The following SYPL1 variants were observed in gnomAD, a reference collection of about 807,000 sequenced individuals.
The protein encoded by SYPL1 is synaptophysin like 1.
A neutral mutation model predicts 23.7 loss-of-function variants in SYPL1; 6 were observed. The ratio of observed to expected loss-of-function variants is 0.25; its 90% CI spans 0.14 to 0.50. SYPL1 has a LOEUF of 0.50. SYPL1 is among the 20% of genes least tolerant of loss of function. SYPL1 has a pLI of 0.98. For missense variants in SYPL1, 253 were observed against 288.9 expected (o/e 0.88, Z 0.90); for synonymous variants, 102 against 104.5 (o/e 0.98, Z 0.15).
rs970426370 is a variant in SYPL1 at position 106,096,766 on chromosome 7, T to C, written c.402+924A>G. ...TTTTAAATTAAGGAGTTTAGGGACA[T>C]AGACCAGGAATCAACAAACTTCTTT... On this transcript the variant is annotated intron_variant, in intron 3 of 4. Coordinates refer to ENST00000455385, the MANE Select transcript of SYPL1 (RefSeq NM_182715.4). This position sits in a 1 kb window ranked among gnomAD's most constrained non-coding sequence, Gnocchi z 4.4. Among the ~76,000 whole-genome samples the C allele has an allele frequency of 6.6e-6, 1 of 152,212 alleles. No homozygotes were observed. The highest frequency in any genetic ancestry group is 1.5e-5 in the Non-Finnish European group (1 of 68,028).
intron 2 of SYPL1, 128 bp downstream of exon 2, chr7:106,099,030 G>T: frequency 8.6e-7 from 1 of 1,163,356 alleles, no homozygotes; most frequent in East Asian, 2.4e-5. Context: ...GGGAGGTAAT[G>T]ATCACTTACA....
In SYPL1 at chr7:106,095,200, A is replaced by C. The variant is rs1476836798; in HGVS notation, c.403-2063T>G. Among the ~76,000 whole-genome samples, 1 of 152,228 alleles carries C rather than the reference A, an allele frequency of 6.6e-6. No individual in the cohort carries two copies. The highest frequency in any genetic ancestry group is 1.5e-5 in the Non-Finnish European group (1 of 68,040). On this transcript the variant is annotated intron_variant, in intron 3 of 4. Transcript: ENST00000455385. This position sits in a 1 kb window ranked among gnomAD's most constrained non-coding sequence, Gnocchi z 4.3. Reference sequence around the variant, plus strand: ...ATTTACTTCAAAAGAGAATTGAAGTAGATTTAAATTTTCATAACTGAAATA... The same window carrying C: ...ATTTACTTCAAAAGAGAATTGAAGTCGATTTAAATTTTCATAACTGAAATA...
upstream of SYPL1, chr7:106,112,409 G>A (rs1790218348): frequency 2.2e-6 from 3 of 1,386,816 alleles, no homozygotes; most frequent in South Asian, 4.8e-5. Context: ...GGGCGGAAAC[G>A]GAGTGGGGCG....
At chr7:106,107,599 G>A (rs113592807) in intron 1 of SYPL1, among the ~76,000 whole-genome samples, 8 of 152,020 alleles carry the variant, frequency 5.3e-5, no homozygotes, top group Non-Finnish European at 7.4e-5. Flanking sequence ...AAAATTAGCC[G>A]GGCAAGGTGG....
In SYPL1 at chr7:106,109,852, T is replaced by A. The variant is rs1244426606; in HGVS notation, c.69+2288A>T. Among the ~76,000 whole-genome samples the A allele has an allele frequency of 6.6e-6, 1 of 152,174 alleles. No individual in the cohort carries two copies. Among genetic ancestry groups the A allele is most frequent in the East Asian group, 1.9e-4 (1 of 5,184 alleles). On this transcript the variant is annotated intron_variant, in intron 1 of 4. Coordinates refer to ENST00000455385, the MANE Select transcript of SYPL1 (RefSeq NM_182715.4). The surrounding 1 kb of genome is among the most constrained non-coding windows in gnomAD (Gnocchi z 4.3). ...ACTAATTTTAGGCCCTCATAATTCC[T>A]CAATCAACAGATTTCCCTTCCTCCA... is the stretch of plus-strand genomic sequence containing the variant.
At chr7:106,106,305 TGG>T (rs962281372) in intron 1 of SYPL1, among the ~76,000 whole-genome samples, 3 of 150,548 alleles carry the variant, frequency 2.0e-5, no homozygotes, top group Non-Finnish European at 4.4e-5. Context: ...CCCAGCACTT[TGG>T]GAGGCTGAGC....
intron 1 of SYPL1, among the ~76,000 whole-genome samples, chr7:106,108,442 T>C (rs1357699274): frequency 6.6e-6 from 1 of 152,164 alleles, no homozygotes; most frequent in African/African-American, 2.4e-5. Flanking sequence ...GATTGTCCCC[T>C]CCTGCTTCTA....
rs1840245222 is a variant in SYPL1 at position 106,100,257 on chromosome 7, C to A, written c.70-975G>T. On this transcript the variant is annotated intron_variant, in intron 1 of 4. Transcript: ENST00000455385. The surrounding 1 kb of genome is among the most constrained non-coding windows in gnomAD (Gnocchi z 5.1). ...AAAATGAATGGTGTTCTCTCAAATA[C>A]CATCTAAAACACAAAAAACCTAGAA... Among the ~76,000 whole-genome samples the A allele has an allele frequency of 6.6e-6, 1 of 152,100 alleles. No individual in the cohort carries two copies. The highest frequency in any genetic ancestry group is 1.5e-5 in the Non-Finnish European group (1 of 68,008).
At chr7:106,112,500 C>A, upstream of SYPL1, 1 of 1,524,750 alleles carries the variant, frequency 6.6e-7, no homozygotes, top group Non-Finnish European at 8.8e-7. Context: ...GACTGATCCG[C>A]TGGCGAACCA....
intron 1 of SYPL1, among the ~76,000 whole-genome samples, chr7:106,105,958 C>T (rs1203163357): frequency 6.6e-6 from 1 of 152,116 alleles, no homozygotes; most frequent in African/African-American, 2.4e-5. Context: ...AGATTGGTAA[C>T]ACACACACTC....
chr7:106,099,172 A>C lies in SYPL1; in HGVS notation c.180T>G (p.Phe60Leu), dbSNP rs772558433. ...VTENKTVTAT[F>L]GYPFRLNEAS... ...ATATAACTCACCTGAATGGATAACC[A>C]AAAGTAGCTGTAACAGTTTTATTCT... Residue 60 changes from phenylalanine to leucine, a missense_variant, in exon 2 of 5, where the codon TTT becomes TTG. By Grantham distance (22) the Phe-to-Leu change is conservative (BLOSUM62 0). Coordinates refer to ENST00000455385, the MANE Select transcript of SYPL1 (RefSeq NM_182715.4). 1.2e-6 allele frequency: 2 copies of C among 1,611,000 alleles called. No homozygotes were observed. The highest frequency in any genetic ancestry group is 2.7e-5 in the African/African-American group (2 of 74,714).
At position 106,097,759 on chromosome 7, in the gene SYPL1, G is replaced by A. The variant is rs775707565; in HGVS notation, c.333C>T (p.Cys111=). ...CAACATAAAGCAGAAGGGCAGCAATGCAGTACAGGAACACAAAGACTGCAA... is the reference window on the plus strand; with the variant it reads ...CAACATAAAGCAGAAGGGCAGCAATACAGTACAGGAACACAAAGACTGCAA... ...VTFAVFVFLY[C]IAALLLYVGY... Residue 111 remains cysteine (C), a synonymous_variant, in exon 3 of 5, where the codon TGC becomes TGT. Transcript: ENST00000455385. This position sits in a 1 kb window ranked among gnomAD's most constrained non-coding sequence, Gnocchi z 4.6. 18 of 1,614,062 alleles carry A rather than the reference G, an allele frequency of 1.1e-5. No homozygotes were observed. The highest frequency in any genetic ancestry group is 1.4e-5 in the Non-Finnish European group (17 of 1,179,962).
rs1482835967 is a variant in SYPL1 at position 106,093,111 on chromosome 7, A to C, written c.429T>G (p.Thr143=). Residue 143 remains threonine, a synonymous_variant, in exon 4 of 5, where the codon ACT becomes ACG. Coordinates refer to ENST00000455385, the MANE Select transcript of SYPL1 (RefSeq NM_182715.4). ...CTGAAGTGCTCACCAACCACAAAAAAGTGGCAACAAGTGTAACAACAAAGT... is the reference window on the plus strand; with the variant it reads ...CTGAAGTGCTCACCAACCACAAAAACGTGGCAACAAGTGTAACAACAAAGT... ...MIDFVVTLVA[T]FLWLVSTSAW... The C allele has an allele frequency of 3.1e-6, 5 of 1,607,892 alleles. No homozygotes were observed.
rs1048522765 is a variant in SYPL1 at position 106,092,988 on chromosome 7, A to C, written c.552T>G (p.Phe184Leu). ...PCKKKAVLCY[F>L]GSVTSMGSLN... ...GGGATCCCATACTGGTCACAGAGCC[A>C]AAGTAACACAGTACTGCTTTCTTCT... The change falls in exon 4 of 5, where the codon TTT becomes TTG. Residue 184 changes from phenylalanine (F) to leucine (L), a missense_variant. Phe to Leu is a conservative substitution (Grantham distance 22, BLOSUM62 0). Transcript: ENST00000455385. 6.2e-7 allele frequency: 1 copy of C among 1,610,682 alleles called. No homozygotes were observed. Among genetic ancestry groups the C allele is most frequent in the East Asian group, 2.2e-5 (1 of 44,770 alleles).
At chr7:106,093,261 T>C (rs1458577278) in intron 3 of SYPL1, 124 bp from the exon 4 acceptor site, 17 of 898,484 alleles carry the variant, frequency 1.9e-5, no homozygotes, top group East Asian at 2.8e-5. Context: ...CTTCATGATA[T>C]ACTTTATTAA....
rs1839947883 is a variant in SYPL1, at chr7:106,095,026, ACTC to A, written c.403-1892_403-1890del. On this transcript the variant is annotated intron_variant, in intron 3 of 4. Coordinates refer to ENST00000455385, the MANE Select transcript of SYPL1 (RefSeq NM_182715.4). The surrounding 1 kb of genome is among the most constrained non-coding windows in gnomAD (Gnocchi z 4.3). ...ACCTGCAGCTGCCTAGGGCAGCTCT[ACTC>A]CTCCCAACAATTCACAATATGAGTC... Among the ~76,000 whole-genome samples, 1 of 152,044 alleles carries A rather than the reference ACTC, an allele frequency of 6.6e-6. No individual in the cohort carries two copies. Among genetic ancestry groups the A allele is most frequent in the African/African-American group, 2.4e-5 (1 of 41,366 alleles).
In SYPL1 at chr7:106,104,058, C is replaced by G. The variant is rs1840461630; in HGVS notation, c.70-4776G>C. Among the ~76,000 whole-genome samples, 1 of 152,082 alleles carries G rather than the reference C, an allele frequency of 6.6e-6. No individual in the cohort carries two copies. Among genetic ancestry groups the G allele is most frequent in the Admixed American group, 6.6e-5 (1 of 15,256 alleles). ...ACTGCTTACTGTTCCTGAAACATAC[C>G]ATGTATTTATGTCTTAAATGTATAT... On this transcript the variant is annotated intron_variant, in intron 1 of 4. Transcript: ENST00000455385. The surrounding 1 kb of genome is among the most constrained non-coding windows in gnomAD (Gnocchi z 4.1).
intron 1 of SYPL1, 156 bp downstream of exon 1, chr7:106,111,984 G>GCCTCCCTGC (rs1011699327): frequency 1.9e-5 from 19 of 981,306 alleles, no homozygotes; most frequent in South Asian, 1.0e-4. Flanking sequence ...CCAGGCCGCG[G>GCCTCCCTGC]CCTCCCTGCC....
upstream of SYPL1, chr7:106,112,547 C>T: frequency 2.7e-6 from 4 of 1,502,496 alleles, no homozygotes; most frequent in Non-Finnish European, 3.5e-6. Context: ...GCGCCGCGCC[C>T]CCTTCCCTGC....
Sources: allele counts gnomAD v4.1 joint callset (sites outside exome capture counted in the v4.1 genomes callset), GRCh38; gene constraint gnomAD v4.1.1; non-coding constraint Gnocchi (gnomAD v3.1); transcripts MANE v1.5; gene names NCBI Gene and HGNC (gene_info 2026-07-23, HGNC 2026-07-21).